TMEM52B: variants seen among roughly 807,000 people sequenced by gnomAD.
The protein encoded by TMEM52B is chromosome 12 open reading frame 59.
Under a neutral mutation model 16.1 loss-of-function variants are expected in TMEM52B, and 11 were observed. That is an observed-to-expected ratio of 0.68 (90% CI 0.43 to 1.13). TMEM52B has a LOEUF of 1.13. Ranked by LOEUF, TMEM52B falls within the 50% of genes most tolerant of loss-of-function variation. TMEM52B has a pLI of 0.00. For missense variants in TMEM52B, 243 were observed against 230.4 expected, an observed-to-expected ratio of 1.05 and a Z score of -0.35; for synonymous variants, 101 against 93.8, an observed-to-expected ratio of 1.08 and a Z score of -0.45.
chr12:10,188,935 A>T (rs1200369463), intron 4 of TMEM52B, among the ~76,000 whole-genome samples: 7 of 146,450 alleles, frequency 4.8e-5, no homozygotes, highest in Non-Finnish European at 9.0e-5. Flanking sequence ...GAGAATGGCG[A>T]GAACCCGGGA....
rs1461100744 is a variant in TMEM52B at position 10,186,524 on chromosome 12, C to T, written c.242C>T (p.Pro81Leu). ...SRQQNGEDGGPPPCEVTVIAF... is the reference protein window; with the variant it reads ...SRQQNGEDGGLPPCEVTVIAF... Reference sequence around the variant, plus strand: ...CAGCAAAATGGGGAAGATGGGGGCCCACCACCCTGTGAAGTGACCGTCATT... The same window carrying T: ...CAGCAAAATGGGGAAGATGGGGGCCTACCACCCTGTGAAGTGACCGTCATT... The change falls in exon 4 of 5, where the codon CCA (proline) becomes CTA (leucine). Residue 81 changes from proline (P) to leucine (L), a missense_variant. Physicochemically the swap from Pro to Leu is moderately conservative, Grantham distance 98. Transcript: ENST00000543484. 11 of 1,610,284 alleles carry T rather than the reference C, an allele frequency of 6.8e-6. No individual in the cohort carries two copies. Among genetic ancestry groups the T allele is most frequent in the Non-Finnish European group, 9.3e-6 (11 of 1,177,064 alleles).
At chr12:10,170,928 C>T (rs914393740) in intron 1 of TMEM52B, 9 of 152,118 alleles carry the variant, frequency 5.9e-5, no homozygotes, top group African/African-American at 2.2e-4. Flanking sequence ...CAACTGCTGC[C>T]CCTACTAGTG....
Position 10,179,596 on chromosome 12 carries a change from G to A in TMEM52B, c.22G>A (p.Val8Met), listed in dbSNP as rs768961676. MGVRVHV[V>M]AASALLYFIL... ...CCCGATGGGAGTCCGAGTTCATGTC[G>A]TGGCGGCCTCAGCCCTGCTGTATTT... Residue 8 changes from valine (V) to methionine (M), a missense_variant, in exon 1 of 5, where the codon GTG becomes ATG. Physicochemically the swap from Val to Met is conservative, Grantham distance 21. Coordinates refer to ENST00000543484, the MANE Select transcript of TMEM52B (RefSeq NM_001384896.1). 21 of 1,614,088 alleles carry A rather than the reference G, an allele frequency of 1.3e-5. 1 individual carries two copies. Among genetic ancestry groups the A allele is most frequent in the African/African-American group, 8.0e-5 (6 of 74,932 alleles).
At chr12:10,173,439 CCT>C (rs1444355973) in intron 1 of TMEM52B, among the ~76,000 whole-genome samples, 1 of 152,064 alleles carries the variant, frequency 6.6e-6, no homozygotes, top group African/African-American at 2.4e-5. Context: ...CCTCCTCCTC[CCT>C]GTTTCCTATA....
At position 10,190,238 on chromosome 12, in the gene TMEM52B, C is replaced by G; in HGVS notation, c.*98C>G. The G allele has an allele frequency of 1.4e-6, 2 of 1,417,504 alleles. No individual in the cohort carries two copies. Among genetic ancestry groups the G allele is most frequent in the Non-Finnish European group, 1.9e-6 (2 of 1,025,956 alleles). 87.8% of individuals were successfully genotyped at this position (1,417,504 alleles called of 1,614,324 possible). A position where few individuals can be genotyped will look rare whatever the true frequency, so the allele number is the denominator to read the frequency against. On this transcript the variant is annotated 3_prime_UTR_variant, in exon 5 of 5. Coordinates refer to ENST00000543484, the MANE Select transcript of TMEM52B (RefSeq NM_001384896.1). ...CTAACCCTCAGAAGTTTTAAGATGG[C>G]ATCTAACACCATCATTCTATGGGAA...
intron 4 of TMEM52B, among the ~76,000 whole-genome samples, chr12:10,187,584 TTTTA>T (rs982474962): frequency 6.6e-6 from 1 of 151,436 alleles, no homozygotes; most frequent in Non-Finnish European, 1.5e-5. Flanking sequence ...TTTTTTAAAT[TTTTA>T]TTTATTTATT....
upstream of TMEM52B, among the ~76,000 whole-genome samples, chr12:10,177,707 T>C (rs1434534543): frequency 6.7e-6 from 1 of 148,866 alleles, no homozygotes; most frequent in Non-Finnish European, 1.5e-5. Context: ...GAGGCAGAGG[T>C]TGCAGTGAGC....
Position 10,179,415 on chromosome 12 carries a change from G to T in TMEM52B, c.-160G>T. 1 of 731,000 alleles carries T rather than the reference G, an allele frequency of 1.4e-6. No homozygotes were observed. Among genetic ancestry groups the T allele is most frequent in the Non-Finnish European group, 2.4e-6 (1 of 414,152 alleles). The allele number at this position is 731,000 out of a possible 1,614,324, so 45.3% of individuals were successfully genotyped here. On this transcript the variant is annotated 5_prime_UTR_variant, in exon 1 of 5. Transcript: ENST00000543484. The stretch of plus-strand genomic sequence containing the variant: ...AGAAAATAACAGCCAGAGCGAGTAG[G>T]AGGAGACAGAGAGAACGAGAGAGAG...
At chr12:10,179,870 G>T (rs1948802720) in intron 1 of TMEM52B, among the ~76,000 whole-genome samples, 1 of 152,188 alleles carries the variant, frequency 6.6e-6, no homozygotes, top group African/African-American at 2.4e-5. Flanking sequence ...AAACGAGCAG[G>T]ATTGCCGTGG....
intron 3 of TMEM52B, 89 bp downstream of exon 3, chr12:10,185,457 G>A: frequency 2.1e-6 from 2 of 972,716 alleles, no homozygotes; most frequent in Admixed American, 3.7e-5. Context: ...GCATCTCATG[G>A]AGTAAGATTT....
At chr12:10,187,400 A>G (rs1223996803) in intron 4 of TMEM52B, among the ~76,000 whole-genome samples, 1 of 147,560 alleles carries the variant, frequency 6.8e-6, no homozygotes, top group Non-Finnish European at 1.5e-5. Context: ...ATGCCTGGCC[A>G]AAATGGTTAC....
At chr12:10,188,464 A>G (rs1948907111) in intron 4 of TMEM52B, among the ~76,000 whole-genome samples, 1 of 149,974 alleles carries the variant, frequency 6.7e-6, no homozygotes, top group African/African-American at 2.5e-5. Context: ...ATCAAAAAAT[A>G]AAAAAGGAAA....
At chr12:10,185,947 A>C (rs1306955557) in intron 3 of TMEM52B, among the ~76,000 whole-genome samples, 1 of 152,186 alleles carries the variant, frequency 6.6e-6, no homozygotes, top group Non-Finnish European at 1.5e-5. Flanking sequence ...TGGTTGAGGC[A>C]GGAGAATCGA....
intron 1 of TMEM52B, 29 bp from the exon 2 acceptor site, chr12:10,182,521 C>T: frequency 6.5e-7 from 1 of 1,532,228 alleles, no homozygotes; most frequent in East Asian, 2.5e-5. Flanking sequence ...AAACAATTTC[C>T]CTGTATAAGA....
chr12:10,187,039 T>C (rs138884725), intron 4 of TMEM52B, among the ~76,000 whole-genome samples: 223 of 152,050 alleles, frequency 1.5e-3, no homozygotes, highest in African/African-American at 4.9e-3. Context: ...GCCTTAACAT[T>C]TTCTCAATGA....
At chr12:10,188,960 T>G (rs1053158869) in intron 4 of TMEM52B, among the ~76,000 whole-genome samples, 1 of 134,984 alleles carries the variant, frequency 7.4e-6, no homozygotes, top group African/African-American at 2.8e-5. Context: ...GAGCTTGCAG[T>G]GAGCCGAGAT....
intron 1 of TMEM52B, chr12:10,172,070 A>T: frequency 1.2e-6 from 2 of 1,613,426 alleles, no homozygotes; most frequent in Non-Finnish European, 1.7e-6. Flanking sequence ...TAGGTCATCA[A>T]AAGTCATTTC....
At chr12:10,179,784 T>TA (rs1203068604) in intron 1 of TMEM52B, among the ~76,000 whole-genome samples, 156 bp downstream of exon 1, 1 of 152,168 alleles carries the variant, frequency 6.6e-6, no homozygotes, top group African/African-American at 2.4e-5. Context: ...TCCTTAGTAT[T>TA]ACGAGATTGC....
At chr12:10,177,361 A>G (rs1948773606), upstream of TMEM52B, among the ~76,000 whole-genome samples, 1 of 152,178 alleles carries the variant, frequency 6.6e-6, no homozygotes, top group Non-Finnish European at 1.5e-5. Context: ...CTTAGCTGAG[A>G]ACAAAACCAG....
Sources: allele counts gnomAD v4.1 joint callset (sites outside exome capture counted in the v4.1 genomes callset), GRCh38; gene constraint gnomAD v4.1.1; transcripts MANE v1.5; gene names NCBI Gene and HGNC (gene_info 2026-07-23, HGNC 2026-07-21).